DDB1: variants seen among roughly 807,000 people sequenced by gnomAD.
DDB1 encodes DNA damage-binding protein 1.
DDB1 carries 18 observed loss-of-function variants against 133.1 expected under a neutral mutation model. The observed-to-expected ratio is 0.14, with a 90% CI of 0.09 to 0.20. DDB1 has a LOEUF of 0.20. Ranked by LOEUF, DDB1 falls within the 10% of genes least tolerant of loss-of-function variation. The probability of loss-of-function intolerance (pLI) is 1.00; values close to 1 mark genes in which losing one functional copy is unlikely to be tolerated. For synonymous variants in DDB1, 580 were observed against 550.5 expected, an observed-to-expected ratio of 1.05 and a Z score of -0.75; for missense variants, 828 against 1,459.2, an observed-to-expected ratio of 0.57 and a Z score of 7.05.
chr11:61,309,435 C>CA (rs1855926739), intron 20 of DDB1, among the ~76,000 whole-genome samples: 1 of 152,102 alleles, frequency 6.6e-6, no homozygotes, highest in South Asian at 2.1e-4. Flanking sequence ...AATATAAACA[C>CA]AGAGTTGAAG....
At chr11:61,319,950 GGTTTT>G (rs1257200247) in intron 10 of DDB1, among the ~76,000 whole-genome samples, 2 of 152,034 alleles carry the variant, frequency 1.3e-5, no homozygotes, top group Non-Finnish European at 2.9e-5. Context: ...TCCTTGTATA[GGTTTT>G]GCACAATTTT....
At chr11:61,320,178 A>G (rs1347164207) in intron 10 of DDB1, among the ~76,000 whole-genome samples, 1 of 151,766 alleles carries the variant, frequency 6.6e-6, no homozygotes, top group Non-Finnish European at 1.5e-5. Context: ...CTTCCTTTGC[A>G]ATTTCATATA....
At chr11:61,306,432 C>T (rs544994791) in intron 21 of DDB1, among the ~76,000 whole-genome samples, 16 of 152,288 alleles carry the variant, frequency 1.1e-4, no homozygotes, top group African/African-American at 3.6e-4. Flanking sequence ...GACCACACAA[C>T]CACCATCACC....
intron 7 of DDB1, chr11:61,323,406 A>C: frequency 6.2e-6 from 2 of 324,220 alleles, no homozygotes; most frequent in South Asian, 4.2e-5. Flanking sequence ...AATCAGCAAT[A>C]ATCTTTTTTT....
chr11:61,318,981 T>C (rs1032089377), intron 10 of DDB1, among the ~76,000 whole-genome samples: 9 of 152,220 alleles, frequency 5.9e-5, no homozygotes, highest in African/African-American at 2.2e-4. Context: ...GGAGGACCGC[T>C]TGAGCCTAGG....
intron 25 of DDB1, chr11:61,301,134 G>C (rs956985606): frequency 1.8e-5 from 12 of 666,506 alleles, no homozygotes; most frequent in Non-Finnish European, 2.2e-5. Flanking sequence ...TCTCAATTGG[G>C]GTGATCTTCA....
intron 6 of DDB1, among the ~76,000 whole-genome samples, chr11:61,325,247 A>G (rs1370123966): frequency 6.6e-6 from 1 of 152,164 alleles, no homozygotes; most frequent in East Asian, 1.9e-4. Context: ...TTGAGACAGG[A>G]GGATCACTTG....
chr11:61,322,578 G>A (rs1245569705), intron 8 of DDB1, 166 bp from the exon 9 acceptor site: 2 of 621,074 alleles, frequency 3.2e-6, no homozygotes, highest in African/African-American at 1.8e-5. Flanking sequence ...AAAGAATATG[G>A]TTGTCCCACA....
chr11:61,321,960 A>C, intron 9 of DDB1: 1 of 547,776 alleles, frequency 1.8e-6, no homozygotes. Context: ...GTTTACTAGA[A>C]TGAGCACAGG....
intron 26 of DDB1, 49 bp downstream of exon 26, chr11:61,300,759 CA>C (rs1778401647): frequency 6.2e-7 from 1 of 1,607,660 alleles, no homozygotes; most frequent in African/African-American, 1.3e-5. Context: ...TGGCATGCCC[CA>C]ACCTGCAGTG....
intron 21 of DDB1, among the ~76,000 whole-genome samples, chr11:61,305,378 G>C (rs1284834219): frequency 1.3e-5 from 2 of 152,114 alleles, no homozygotes; most frequent in Non-Finnish European, 1.5e-5. Flanking sequence ...ATTGTGACGT[G>C]TGCCTGTAAT....
chr11:61,317,215 A>G (rs994350520), intron 10 of DDB1, among the ~76,000 whole-genome samples: 2 of 150,702 alleles, frequency 1.3e-5, no homozygotes, highest in South Asian at 2.1e-4. Context: ...CCGGGTTCAC[A>G]CCATTCTCCT....
intron 10 of DDB1, among the ~76,000 whole-genome samples, chr11:61,320,673 C>T (rs920795601): frequency 6.6e-6 from 1 of 152,136 alleles, no homozygotes; most frequent in African/African-American, 2.4e-5. Flanking sequence ...TACAGTCACA[C>T]GCCACTGCAC....
chr11:61,316,097 A>G, intron 12 of DDB1, 188 bp downstream of exon 12: 3 of 534,248 alleles, frequency 5.6e-6, no homozygotes, highest in Non-Finnish European at 9.9e-6. Flanking sequence ...AAATAAAGCT[A>G]AAAGGAGCAA....
At chr11:61,316,661 C>T in intron 10 of DDB1, 94 bp from the exon 11 acceptor site, 1 of 1,311,930 alleles carries the variant, frequency 7.6e-7, no homozygotes, top group Non-Finnish European at 1.1e-6. Flanking sequence ...GTGGCTCATG[C>T]CTATAATCTC....
At chr11:61,315,230 A>G (rs1473658699) in intron 12 of DDB1, 1 of 152,268 alleles carries the variant, frequency 6.6e-6, no homozygotes, top group African/African-American at 2.4e-5. Context: ...AAAGTTCCTT[A>G]GTAAAGATTA....
chr11:61,300,762 C>A, intron 26 of DDB1, 47 bp downstream of exon 26: 1 of 1,608,742 alleles, frequency 6.2e-7, no homozygotes, highest in South Asian at 1.1e-5. Context: ...CATGCCCCAA[C>A]CTGCAGTGGA....
At position 61,300,147 on chromosome 11, in the gene DDB1, G is replaced by C. The variant is rs1257134239; in HGVS notation, c.3412C>G (p.Arg1138Gly). ...CCCCCTGCCCTTGGCTAATGGATCC[G>C]AGTTAGCTCCTCCACAACCTTGATG... ...DLIKVVEELT[R>G]IH Residue 1138 changes from arginine (R) to glycine (G), a missense_variant, in exon 27 of 27, where the codon CGG becomes GGG. Around this residue, in one of 7 missense-constraint regions of DDB1, gnomAD observed 116 missense variants for 221.6 expected, o/e 0.52. Coordinates refer to ENST00000301764, the MANE Select transcript of DDB1 (RefSeq NM_001923.5). 6.2e-7 allele frequency: 1 copy of C among 1,614,118 alleles called. No individual in the cohort carries two copies. Among genetic ancestry groups the C allele is most frequent in the Non-Finnish European group, 8.5e-7 (1 of 1,180,010 alleles).
intron 7 of DDB1, chr11:61,323,537 C>T (rs1489183441): frequency 4.2e-5 from 10 of 235,592 alleles, no homozygotes; most frequent in African/African-American, 1.8e-4. Context: ...CTCAGCCTCC[C>T]GAGTAGCTGG....
Sources: gnomAD v4.1 joint callset for allele counts (sites outside exome capture counted in the v4.1 genomes callset) on GRCh38, gnomAD v4.1.1 for gene constraint, gnomAD v4.1.1 regional missense constraint, MANE v1.5 for transcripts, NCBI Gene and HGNC (gene_info 2026-07-23, HGNC 2026-07-21) for gene names.